The following ZNF516 variants were observed in gnomAD, a reference collection of about 807,000 sequenced individuals.
ZNF516 encodes the protein zinc finger protein 516.
In ZNF516, 19 loss-of-function variants were observed where a neutral mutation model predicts 79.7. The ratio of observed to expected loss-of-function variants is 0.24; its 90% CI spans 0.17 to 0.35. ZNF516 has a LOEUF of 0.35. Among genes scored for constraint, ZNF516 ranks in the 10% least tolerant of loss-of-function variants. ZNF516 has a pLI of 1.00. For missense variants in ZNF516, 1,678 were observed against 1,679.5 expected, an observed-to-expected ratio of 1.00 and a Z score of 0.02; for synonymous variants, 877 against 739.5, an observed-to-expected ratio of 1.19 and a Z score of -3.02.
At chr18:76,449,097 G>A (rs936552296) in intron 2 of ZNF516, among the ~76,000 whole-genome samples, 1 of 152,046 alleles carries the variant, frequency 6.6e-6, no homozygotes, top group Admixed American at 6.5e-5. Flanking sequence ...CATCCTGTCG[G>A]CTGCACCTCC....
rs545789981 is a variant in ZNF516, at chr18:76,379,074, C to T, written c.3040G>A (p.Ala1014Thr). 7 of 1,610,776 alleles carry T rather than the reference C, an allele frequency of 4.3e-6. No homozygotes were observed. The East Asian group carries it at 1.3e-4, about 31-fold the overall frequency. ...SKAAQELRTL[A>T]TCAAGSRGDA... ...CCCCTGGACCCCGCAGCACAGGTGGCCAGAGTCCTCAGCTCCTGGGCTGCC... is the reference window on the plus strand; with the variant it reads ...CCCCTGGACCCCGCAGCACAGGTGGTCAGAGTCCTCAGCTCCTGGGCTGCC... Residue 1014 changes from alanine to threonine, a missense_variant, in exon 4 of 7, where the codon GCC (alanine) becomes ACC (threonine). Ala to Thr is a moderately conservative substitution (Grantham distance 58). Coordinates refer to ENST00000443185, the MANE Select transcript of ZNF516 (RefSeq NM_014643.4).
Position 76,441,723 on chromosome 18 carries a change from G to C in ZNF516, c.1332C>G (p.Ala444=). 1 of 1,573,542 alleles carries C rather than the reference G, an allele frequency of 6.4e-7. No homozygotes were observed. Among genetic ancestry groups the C allele is most frequent in the Non-Finnish European group, 8.6e-7 (1 of 1,164,208 alleles). The change falls in exon 3 of 7, where the codon GCC becomes GCG. Residue 444 remains alanine (A), a synonymous_variant. Transcript: ENST00000443185. ...TGTCCTTGTCGAAGGCCACGTCCCC[G>C]GCCAGCGCCTCGTCCCAGGCCCCGT... is the stretch of plus-strand genomic sequence containing the variant. ...LKYGAWDEAL[A]GDVAFDKDRR...
chr18:76,383,136 T>C (rs1409772979), intron 3 of ZNF516, among the ~76,000 whole-genome samples: 2 of 150,806 alleles, frequency 1.3e-5, no homozygotes, highest in African/African-American at 4.9e-5. Context: ...ACACAGACCC[T>C]GCACAGAGTC....
At chr18:76,439,271 T>C (rs763197511) in intron 3 of ZNF516, among the ~76,000 whole-genome samples, 1 of 152,216 alleles carries the variant, frequency 6.6e-6, no homozygotes, top group Non-Finnish European at 1.5e-5. Context: ...AGGCAGCTGT[T>C]GTGAGTGAAA....
intron 6 of ZNF516, 47 bp downstream of exon 6, chr18:76,370,481 C>T (rs1359042269): frequency 6.5e-7 from 1 of 1,536,224 alleles, no homozygotes; most frequent in East Asian, 2.3e-5. Flanking sequence ...GCACCTTTCC[C>T]AGCTACCGCA....
At chr18:76,490,150 G>A (rs1815981589) in intron 1 of ZNF516, 1 of 985,156 alleles carries the variant, frequency 1.0e-6, no homozygotes, top group African/African-American at 1.7e-5. Context: ...ACAGAATTCA[G>A]TTCATCCCAG....
At chr18:76,472,662 G>C (rs1176521786) in intron 1 of ZNF516, among the ~76,000 whole-genome samples, 2 of 152,238 alleles carry the variant, frequency 1.3e-5, no homozygotes. Flanking sequence ...ATAAGGACGA[G>C]TGTCCTCACC....
Position 76,473,904 on chromosome 18 carries a change from G to GTGTGGC in ZNF516, c.-271-10764_-271-10763insGCCACA, listed in dbSNP as rs1555718878. ...ACTGGGTTGTTGGTTGTTTTTGTGT[G>GTGTGGC]GGGGGGGGGGGGGCTTTCTTTTTGA... On this transcript the variant is annotated intron_variant, in intron 1 of 6. Transcript: ENST00000443185. 5.2e-4 allele frequency among the ~76,000 whole-genome samples: 33 copies of GTGTGGC among 63,048 alleles called. 1 individual carries two copies. The South Asian group carries it at 0.015, about 29-fold the overall frequency. The allele number at this position is 63,048 out of a possible 152,430, so 41.4% of individuals were successfully genotyped here.
chr18:76,452,699 A>G (rs918248326), intron 2 of ZNF516, among the ~76,000 whole-genome samples: 4 of 152,242 alleles, frequency 2.6e-5, no homozygotes, highest in African/African-American at 9.6e-5. Context: ...AAGAGTAAAG[A>G]CAGTATCACA....
intron 1 of ZNF516, among the ~76,000 whole-genome samples, chr18:76,472,810 T>C (rs1242715167): frequency 3.9e-5 from 6 of 152,038 alleles, no homozygotes; most frequent in African/African-American, 7.2e-5. Context: ...TAAATATAAA[T>C]AGAATTACAT....
At chr18:76,460,928 A>C (rs1038584145) in intron 2 of ZNF516, among the ~76,000 whole-genome samples, 2 of 152,180 alleles carry the variant, frequency 1.3e-5, no homozygotes, top group African/African-American at 4.8e-5. Flanking sequence ...CACGCCTGTA[A>C]TCCCAGGACT....
intron 3 of ZNF516, among the ~76,000 whole-genome samples, chr18:76,414,965 AG>A (rs1457159310): frequency 6.6e-6 from 1 of 152,244 alleles, no homozygotes; most frequent in African/African-American, 2.4e-5. Context: ...TGGGAGGCCG[AG>A]GTGGGCAGAT....
chr18:76,383,296 G>A (rs539347294), intron 3 of ZNF516, among the ~76,000 whole-genome samples: 5 of 152,252 alleles, frequency 3.3e-5, no homozygotes, highest in Non-Finnish European at 7.3e-5. Context: ...AAGAAAACAC[G>A]TGGCTAACTG....
intron 5 of ZNF516, 58 bp from the exon 6 acceptor site, chr18:76,370,653 T>A: frequency 7.0e-7 from 1 of 1,437,430 alleles, no homozygotes; most frequent in Non-Finnish European, 9.4e-7. Flanking sequence ...ACGTGCACAT[T>A]AAATGAGTCC....
intron 2 of ZNF516, among the ~76,000 whole-genome samples, chr18:76,456,310 T>C (rs1940241205): frequency 6.6e-6 from 1 of 152,232 alleles, no homozygotes; most frequent in South Asian, 2.1e-4. Flanking sequence ...TCTGGATGAC[T>C]AAGAATTGGA....
At chr18:76,374,602 C>G (rs904017069) in intron 4 of ZNF516, among the ~76,000 whole-genome samples, 40 of 152,282 alleles carry the variant, frequency 2.6e-4, no homozygotes, top group Admixed American at 5.9e-4. Flanking sequence ...TAGCAACATT[C>G]TCTGTATAAA....
chr18:76,418,440 AAC>A (rs1464023221), intron 3 of ZNF516, among the ~76,000 whole-genome samples: 4 of 151,948 alleles, frequency 2.6e-5, no homozygotes, highest in South Asian at 2.1e-4. Context: ...CACTAACACT[AAC>A]ACATGCTGTA....
rs115485625 is a variant in ZNF516, at chr18:76,396,343, G to A, written c.1811-16040C>T. Among the ~76,000 whole-genome samples the A allele has an allele frequency of 2.6e-3, 390 of 152,270 alleles. 3 individuals carry two copies. Among genetic ancestry groups the A allele is most frequent in the African/African-American group, 8.7e-3 (360 of 41,544 alleles). ...ACTGAGGATTTCAACCATATATGGC[G>A]CGCAGGGTCACCCTCTTCCCAAGGT... is the stretch of plus-strand genomic sequence containing the variant. On this transcript the variant is annotated intron_variant, in intron 3 of 6. Transcript: ENST00000443185.
chr18:76,473,903 T>TGTGTGTGTGGGG (rs58634236), intron 1 of ZNF516, among the ~76,000 whole-genome samples: 1 of 54,190 alleles, frequency 1.8e-5, no homozygotes. Context: ...TGTTTTTGTG[T>TGTGTGTGTGGGG]GGGGGGGGGG....
Sources: allele counts gnomAD v4.1 joint callset (sites outside exome capture counted in the v4.1 genomes callset), GRCh38; gene constraint gnomAD v4.1.1; transcripts MANE v1.5; gene names NCBI Gene and HGNC (gene_info 2026-07-23, HGNC 2026-07-21).